CUX1: variants seen among roughly 807,000 people sequenced by gnomAD.
CUX1 encodes cut like homeobox 1, also known as protein CASP.
In CUX1, 31 loss-of-function variants were observed where a neutral mutation model predicts 158.8. That is an observed-to-expected ratio of 0.20 (90% CI 0.15 to 0.26). CUX1 has a LOEUF of 0.26. Ranked by LOEUF, CUX1 falls within the 10% of genes least tolerant of loss-of-function variation. The pLI is 1.00. For synonymous variants in CUX1, 879 were observed against 862.1 expected, an observed-to-expected ratio of 1.02 and a Z score of -0.34; for missense variants, 1,589 against 2,014.6, an observed-to-expected ratio of 0.79 and a Z score of 4.04.
chr7:101,898,455 C>T (rs2131718166), intron 1 of CUX1, among the ~76,000 whole-genome samples: 1 of 152,284 alleles, frequency 6.6e-6, no homozygotes, highest in Admixed American at 6.5e-5. Flanking sequence ...CCATTCAGTG[C>T]CAGGCTCGTA....
Position 102,252,618 on chromosome 7 carries a change from A to AC in CUX1, c.*3579dup. 1.0e-6 allele frequency: 1 copy of AC among 985,404 alleles called. No individual in the cohort carries two copies. The highest frequency in any genetic ancestry group is 1.2e-6 in the Non-Finnish European group (1 of 829,958). The allele number at this position is 985,404 out of a possible 1,614,324, so 61.0% of individuals were successfully genotyped here. On this transcript the variant is annotated 3_prime_UTR_variant, in exon 24 of 24. Transcript: ENST00000292535. Reference sequence around the variant, plus strand: ...ATCAGTGTTTGCATTTAGCCTCTTGACCCGGAGTTCCGGCCCAAGCTCCCT... The same window carrying AC: ...ATCAGTGTTTGCATTTAGCCTCTTGACCCCGGAGTTCCGGCCCAAGCTCCCT...
chr7:102,088,904 C>G (rs776607372), intron 4 of CUX1, among the ~76,000 whole-genome samples: 7 of 152,074 alleles, frequency 4.6e-5, no homozygotes, highest in Non-Finnish European at 1.0e-4. Flanking sequence ...AGGTTTATAG[C>G]TTTTATGAAG....
intron 1 of CUX1, among the ~76,000 whole-genome samples, chr7:101,865,474 T>G (rs1797849198): frequency 6.6e-6 from 1 of 152,230 alleles, no homozygotes; most frequent in Non-Finnish European, 1.5e-5. Context: ...AGAAGTGCAC[T>G]GTGTGGAGTT....
Position 102,111,588 on chromosome 7 carries a change from G to A in CUX1, c.531-110G>A, listed in dbSNP as rs1298157899. 7.1e-5 allele frequency: 70 copies of A among 985,410 alleles called. 1 individual carries two copies. The South Asian group carries it at 8.9e-4, about 13-fold the overall frequency. 61.0% of individuals were successfully genotyped at this position (985,410 alleles called of 1,614,324 possible). ...CGTTGCGGGCGATACCCCGTGGTGC[G>A]CCTGCCGCCAGCTGAGCGCAGGGAG... On this transcript the variant is annotated intron_variant, in intron 6 of 23. Coordinates refer to ENST00000292535, the MANE Select transcript of CUX1 (RefSeq NM_181552.4).
chr7:102,048,164 G>A (rs1348931301), intron 3 of CUX1, among the ~76,000 whole-genome samples: 2 of 152,204 alleles, frequency 1.3e-5, no homozygotes, highest in African/African-American at 4.8e-5. Flanking sequence ...GTAGCAGACA[G>A]TCCAAGGGGC....
chr7:102,248,352 A>G lies in CUX1; in HGVS notation c.3888-60A>G. 1 of 1,455,926 alleles carries G rather than the reference A, an allele frequency of 6.9e-7. No homozygotes were observed. The highest frequency in any genetic ancestry group is 9.2e-7 in the Non-Finnish European group (1 of 1,083,736). 90.2% of individuals were successfully genotyped at this position (1,455,926 alleles called of 1,614,324 possible). A position where few individuals can be genotyped will look rare whatever the true frequency, so the allele number is the denominator to read the frequency against. On this transcript the variant is annotated intron_variant, in intron 23 of 23. Transcript: ENST00000292535. This position sits in a 1 kb window ranked among gnomAD's most constrained non-coding sequence, Gnocchi z 5.8. ...GAGAGAGGGGTCTGGCTGGGGTAGCACCAGAGGCCCTTTCCCCAGCAGCAC... is the reference window on the plus strand; with the variant it reads ...GAGAGAGGGGTCTGGCTGGGGTAGCGCCAGAGGCCCTTTCCCCAGCAGCAC...
intron 21 of CUX1, chr7:102,282,674 A>G (rs1554549648): frequency 6.2e-7 from 1 of 1,605,042 alleles, no homozygotes; most frequent in Admixed American, 1.7e-5. Context: ...GGTGGCCTTG[A>G]GGCGAACGGG....
Position 102,208,006 on chromosome 7 carries a change from G to A in CUX1, c.3130+2836G>A, listed in dbSNP as rs146689118. 8.3e-3 allele frequency among the ~76,000 whole-genome samples: 1,267 copies of A among 152,098 alleles called. 11 individuals carry two copies. The highest frequency in any genetic ancestry group is 0.029 in the African/African-American group (1,211 of 41,504). ...AGTTCGAGACCAGCCTGGGCAACAT[G>A]GTGAAACCCCATCTCTACAAAAAAT... On this transcript the variant is annotated intron_variant, in intron 20 of 23. Coordinates refer to ENST00000292535, the MANE Select transcript of CUX1 (RefSeq NM_181552.4).
At chr7:101,835,838 C>T (rs1053443239) in intron 1 of CUX1, among the ~76,000 whole-genome samples, 3 of 152,146 alleles carry the variant, frequency 2.0e-5, no homozygotes, top group Admixed American at 6.5e-5. Flanking sequence ...CGGGTTCAAG[C>T]GATTCTCCTG....
chr7:101,896,173 T>G (rs1449760084), intron 1 of CUX1, among the ~76,000 whole-genome samples: 1 of 151,972 alleles, frequency 6.6e-6, no homozygotes, highest in Non-Finnish European at 1.5e-5. Context: ...GGATTACAGG[T>G]GTGAGCCACC....
At chr7:101,861,944 C>T (rs1342550903) in intron 1 of CUX1, among the ~76,000 whole-genome samples, 3 of 152,084 alleles carry the variant, frequency 2.0e-5, no homozygotes, top group African/African-American at 4.8e-5. Context: ...AAGCGATTCT[C>T]CTGCCTCAGC....
At chr7:101,860,717 C>G in intron 1 of CUX1, among the ~76,000 whole-genome samples, 1 of 151,528 alleles carries the variant, frequency 6.6e-6, no homozygotes, top group Non-Finnish European at 1.5e-5. Context: ...TCCTCTCTCT[C>G]TTTTATCTCC....
At chr7:102,021,670 G>T (rs1472354095) in intron 2 of CUX1, among the ~76,000 whole-genome samples, 1 of 130,292 alleles carries the variant, frequency 7.7e-6, no homozygotes, top group Non-Finnish European at 1.5e-5. Context: ...CGATTCTCCT[G>T]CCTCAGCCTT....
At position 102,239,619 on chromosome 7, in the gene CUX1, C is replaced by T. The variant is rs1799953411; in HGVS notation, c.3887+35C>T. ...CTGGCTCACAGGGAGCGCCGGTCGG[C>T]CCAGGGGAAGGGGCTGATCTGTCCG... On this transcript the variant is annotated intron_variant, in intron 23 of 23. Coordinates refer to ENST00000292535, the MANE Select transcript of CUX1 (RefSeq NM_181552.4). 1.9e-6 allele frequency: 3 copies of T among 1,594,022 alleles called. No individual in the cohort carries two copies. The African/African-American group carries it at 4.0e-5, about 21-fold the overall frequency.
At chr7:102,016,228 A>C (rs1418479406) in intron 2 of CUX1, among the ~76,000 whole-genome samples, 2 of 152,228 alleles carry the variant, frequency 1.3e-5, no homozygotes, top group Admixed American at 6.5e-5. Flanking sequence ...GATTACAGGC[A>C]CATGCCCCTG....
chr7:101,931,053 G>A (rs1806234153), intron 2 of CUX1, among the ~76,000 whole-genome samples: 1 of 152,160 alleles, frequency 6.6e-6, no homozygotes. Context: ...CCGAGATCAC[G>A]CCACTGCACT....
intron 3 of CUX1, among the ~76,000 whole-genome samples, chr7:102,052,971 C>A (rs1044539430): frequency 6.6e-6 from 1 of 152,108 alleles, no homozygotes; most frequent in African/African-American, 2.4e-5. Flanking sequence ...CCATGCCCAG[C>A]TAATTTTTTT....
intron 21 of CUX1, chr7:102,282,619 C>T (rs1792166921): frequency 1.4e-6 from 2 of 1,384,278 alleles, no homozygotes; most frequent in Admixed American, 2.1e-5. Context: ...GCTCGAGAAC[C>T]TTTATGTTCC....
intron 8 of CUX1, among the ~76,000 whole-genome samples, chr7:102,148,683 T>C (rs1554502742): frequency 6.7e-6 from 1 of 148,368 alleles, no homozygotes; most frequent in Non-Finnish European, 1.5e-5. Context: ...TACACATTAA[T>C]GTATGTGTTA....
Sources: allele counts gnomAD v4.1 joint callset (sites outside exome capture counted in the v4.1 genomes callset), GRCh38; gene constraint gnomAD v4.1.1; non-coding constraint Gnocchi (gnomAD v3.1); transcripts MANE v1.5; gene names NCBI Gene and HGNC (gene_info 2026-07-23, HGNC 2026-07-21).